Variants in LRMDA observed in about 807,000 individuals in gnomAD.
LRMDA encodes the protein leucine rich melanocyte differentiation associated, also known as leucine-rich melanocyte differentiation-associated protein.
Under a neutral mutation model 29.8 loss-of-function variants are expected in LRMDA, and 18 were observed. The ratio of observed to expected loss-of-function variants is 0.60; its 90% CI spans 0.42 to 0.90. LRMDA has a LOEUF of 0.90. Ranked by LOEUF, LRMDA falls within the 40% of genes least tolerant of loss-of-function variation. The pLI is 0.00. For synonymous variants in LRMDA, 125 were observed against 109.4 expected, an observed-to-expected ratio of 1.14 and a Z score of -0.89; for missense variants, 273 against 273.9, an observed-to-expected ratio of 1.00 and a Z score of 0.02.
At chr10:76,365,107 T>TATATATATATATATACACACACAC (rs141131236) in intron 6 of LRMDA, among the ~76,000 whole-genome samples, 4 of 61,254 alleles carry the variant, frequency 6.5e-5, no homozygotes, top group Admixed American at 3.6e-4. Flanking sequence ...TATATATATA[T>TATATATATATATATACACACACAC]ACACACACAC....
chr10:76,281,568 C>T (rs147003774), intron 5 of LRMDA, among the ~76,000 whole-genome samples: 351 of 152,276 alleles, frequency 2.3e-3, no homozygotes, highest in Non-Finnish European at 3.4e-3. Context: ...CTACCATTCC[C>T]CCAACCCCCC....
chr10:75,973,005 C>A (rs560858006), intron 2 of LRMDA, among the ~76,000 whole-genome samples: 3 of 146,266 alleles, frequency 2.1e-5, no homozygotes, highest in East Asian at 1.9e-4. Context: ...CCTTTCAGGA[C>A]AAAACCACTT....
chr10:75,542,757 C>A (rs916730227), intron 2 of LRMDA, among the ~76,000 whole-genome samples: 1 of 152,158 alleles, frequency 6.6e-6, no homozygotes, highest in African/African-American at 2.4e-5. Context: ...TGACAGCCAG[C>A]GTCATGTCAT....
intron 2 of LRMDA, among the ~76,000 whole-genome samples, chr10:75,513,129 A>G (rs541729442): frequency 4.6e-5 from 7 of 152,316 alleles, no homozygotes; most frequent in African/African-American, 1.7e-4. Flanking sequence ...CACCAGGGCC[A>G]TCTGACTTGA....
intron 6 of LRMDA, among the ~76,000 whole-genome samples, chr10:76,397,838 T>C (rs1841804731): frequency 6.6e-6 from 1 of 152,032 alleles, no homozygotes; most frequent in Non-Finnish European, 1.5e-5. Flanking sequence ...AACAAGGGGG[T>C]GAACAACAGA....
chr10:75,669,489 T>C (rs1841865113), intron 2 of LRMDA, among the ~76,000 whole-genome samples: 1 of 152,240 alleles, frequency 6.6e-6, no homozygotes, highest in South Asian at 2.1e-4. Context: ...AGTCACATAC[T>C]GCTATGCCTG....
Position 75,438,468 on chromosome 10 carries a change from G to A in LRMDA, c.105G>A (p.Arg35=). ...LGRDCGHFAK[R]LDLSFNLLRS... is the part of the protein sequence containing the mutation. ...GGGACTGTGGACATTTCGCAAAGAGGCTTGATCTGAGCTTTAACCTTCTGA... is the reference window on the plus strand; with the variant it reads ...GGGACTGTGGACATTTCGCAAAGAGACTTGATCTGAGCTTTAACCTTCTGA... Residue 35 remains arginine, a synonymous_variant, in exon 2 of 7, where the codon AGG becomes AGA. Transcript: ENST00000611255. 5 of 1,550,776 alleles carry A rather than the reference G, an allele frequency of 3.2e-6. No individual in the cohort carries two copies. Among genetic ancestry groups the A allele is most frequent in the Non-Finnish European group, 1.7e-6 (2 of 1,147,032 alleles).
At chr10:76,007,568 C>T (rs913292976) in intron 2 of LRMDA, among the ~76,000 whole-genome samples, 4 of 152,222 alleles carry the variant, frequency 2.6e-5, no homozygotes, top group African/African-American at 9.6e-5. Flanking sequence ...GTCCCCACCA[C>T]CTCTTCCAGG....
At chr10:76,420,563 T>C (rs1465627103) in intron 6 of LRMDA, among the ~76,000 whole-genome samples, 1 of 152,066 alleles carries the variant, frequency 6.6e-6, no homozygotes, top group Non-Finnish European at 1.5e-5. Context: ...GTTTCCTTCA[T>C]TCCAGTTTGT....
At chr10:76,018,730 G>A (rs1222276689) in intron 2 of LRMDA, among the ~76,000 whole-genome samples, 1 of 108,090 alleles carries the variant, frequency 9.3e-6, no homozygotes, top group Non-Finnish European at 2.1e-5. Flanking sequence ...ACCATGTGCA[G>A]CTGATTTTTG....
At chr10:76,467,462 T>C (rs1463246093) in intron 6 of LRMDA, among the ~76,000 whole-genome samples, 2 of 152,234 alleles carry the variant, frequency 1.3e-5, no homozygotes, top group Non-Finnish European at 2.9e-5. Flanking sequence ...AGCATTTCTC[T>C]AAATAATCCA....
chr10:75,603,179 GTT>G (rs397972323), intron 2 of LRMDA, among the ~76,000 whole-genome samples: 4,807 of 143,628 alleles, frequency 0.033, 258 homozygotes, highest in African/African-American at 0.11. Flanking sequence ...TCATCTTAAA[GTT>G]TTTTTTTTTT....
At chr10:76,028,253 G>T (rs1011434655) in intron 2 of LRMDA, among the ~76,000 whole-genome samples, 1 of 151,840 alleles carries the variant, frequency 6.6e-6, no homozygotes, top group Admixed American at 6.6e-5. Flanking sequence ...TTTTATTATT[G>T]ACAAATTTCC....
chr10:76,335,282 G>T lies in LRMDA; in HGVS notation c.601+10797G>T, dbSNP rs182203838. On this transcript the variant is annotated intron_variant, in intron 6 of 6. Transcript: ENST00000611255. ...TTAAGATGATCTGGCTTTGCAGAGT[G>T]TAGTGCTCTCATATGTCTCCCACAT... 1.9e-3 allele frequency among the ~76,000 whole-genome samples: 291 copies of T among 152,328 alleles called. 1 individual carries two copies. The highest frequency in any genetic ancestry group is 6.8e-3 in the Middle Eastern group (2 of 294).
intron 2 of LRMDA, among the ~76,000 whole-genome samples, chr10:75,827,471 T>G (rs1346126463): frequency 6.6e-6 from 1 of 152,204 alleles, no homozygotes; most frequent in African/African-American, 2.4e-5. Context: ...TTATACAGGA[T>G]TCAAAGTTTT....
intron 5 of LRMDA, among the ~76,000 whole-genome samples, chr10:76,295,953 T>G (rs1417735982): frequency 6.6e-6 from 1 of 152,228 alleles, no homozygotes; most frequent in Non-Finnish European, 1.5e-5. Flanking sequence ...TGCTTAATTG[T>G]TTTCACATTT....
At chr10:76,044,669 C>T (rs1426198001) in intron 3 of LRMDA, among the ~76,000 whole-genome samples, 3 of 152,102 alleles carry the variant, frequency 2.0e-5, no homozygotes, top group African/African-American at 7.2e-5. Flanking sequence ...ACCTCATCCC[C>T]CTGGTGTGGG....
intron 5 of LRMDA, among the ~76,000 whole-genome samples, chr10:76,281,251 C>A (rs1564709869): frequency 6.6e-6 from 1 of 152,190 alleles, no homozygotes; most frequent in Non-Finnish European, 1.5e-5. Flanking sequence ...TGGGAACAGA[C>A]CTCAAAGGTC....
At chr10:76,501,625 A>G (rs111370314) in intron 6 of LRMDA, among the ~76,000 whole-genome samples, 3,149 of 151,850 alleles carry the variant, frequency 0.021, 126 homozygotes, top group African/African-American at 0.073. Flanking sequence ...ATTAGTGATG[A>G]TGAGGATTTT....
Sources: allele counts gnomAD v4.1 joint callset (sites outside exome capture counted in the v4.1 genomes callset), GRCh38; gene constraint gnomAD v4.1.1; transcripts MANE v1.5; gene names NCBI Gene and HGNC (gene_info 2026-07-23, HGNC 2026-07-21).